The following CPNE4 variants were observed in gnomAD, a reference collection of about 807,000 sequenced individuals.
The protein encoded by CPNE4 is copine-4.
A neutral mutation model predicts 67.9 loss-of-function variants in CPNE4; 25 were observed. The observed-to-expected ratio is 0.37, with a 90% CI of 0.27 to 0.51. The LOEUF is 0.51. CPNE4 is among the 20% of genes least tolerant of loss of function. The pLI is 0.93. For missense variants in CPNE4, 464 were observed against 690.8 expected, an observed-to-expected ratio of 0.67 and a Z score of 3.68; for synonymous variants, 242 against 244.9, an observed-to-expected ratio of 0.99 and a Z score of 0.11.
At chr3:131,811,503 C>T (rs544576676) in intron 2 of CPNE4, among the ~76,000 whole-genome samples, 2 of 152,158 alleles carry the variant, frequency 1.3e-5, no homozygotes, top group African/African-American at 4.8e-5. Context: ...TTGCATCCAG[C>T]AGAAAAGTCA....
chr3:131,911,519 AAC>A (rs150276884), intron 1 of CPNE4, among the ~76,000 whole-genome samples: 4,407 of 150,738 alleles, frequency 0.029, 215 homozygotes, highest in African/African-American at 0.1. Context: ...TAATAATACA[AAC>A]AGATTCAAGA....
At chr3:131,753,894 A>G (rs1182122304) in intron 2 of CPNE4, among the ~76,000 whole-genome samples, 2 of 152,138 alleles carry the variant, frequency 1.3e-5, no homozygotes, top group African/African-American at 2.4e-5. Context: ...TTAAATGTTA[A>G]CTACGTCCTC....
intron 2 of CPNE4, among the ~76,000 whole-genome samples, chr3:131,867,552 G>T (rs183208785): frequency 6.6e-6 from 1 of 152,050 alleles, no homozygotes; most frequent in Admixed American, 6.6e-5. Flanking sequence ...AGGTCAATTC[G>T]TCCAGCCCTC....
At chr3:131,917,684 G>C (rs2070603526) in intron 1 of CPNE4, among the ~76,000 whole-genome samples, 1 of 152,070 alleles carries the variant, frequency 6.6e-6, no homozygotes, top group Non-Finnish European at 1.5e-5. Flanking sequence ...GACAGGAATA[G>C]ATAGAAAAAG....
intron 15 of CPNE4, among the ~76,000 whole-genome samples, chr3:131,540,354 T>G (rs1186649034): frequency 6.6e-6 from 1 of 152,224 alleles, no homozygotes; most frequent in East Asian, 1.9e-4. Flanking sequence ...CCCTATGAAG[T>G]CTGGGCAGGT....
chr3:131,569,161 C>T (rs974009941), intron 10 of CPNE4, among the ~76,000 whole-genome samples: 3 of 151,968 alleles, frequency 2.0e-5, no homozygotes, highest in African/African-American at 7.2e-5. Context: ...GCCTCTTTAA[C>T]CCATTGTACC....
At chr3:131,697,527 A>G (rs1043667619) in intron 4 of CPNE4, among the ~76,000 whole-genome samples, 1 of 152,216 alleles carries the variant, frequency 6.6e-6, no homozygotes, top group African/African-American at 2.4e-5. Flanking sequence ...CACTGGTAAT[A>G]TTCCAAATAT....
intron 7 of CPNE4, among the ~76,000 whole-genome samples, chr3:131,660,819 C>T (rs1209298407): frequency 6.6e-6 from 1 of 152,202 alleles, no homozygotes; most frequent in African/African-American, 2.4e-5. Flanking sequence ...GGCCACATTT[C>T]CTGGTTTCTC....
At chr3:131,788,919 A>G (rs1452978264) in intron 2 of CPNE4, among the ~76,000 whole-genome samples, 4 of 151,942 alleles carry the variant, frequency 2.6e-5, no homozygotes, top group African/African-American at 9.7e-5. Context: ...TAGAATGATG[A>G]CAATTATGGT....
intron 7 of CPNE4, among the ~76,000 whole-genome samples, chr3:131,632,788 C>T (rs1278828120): frequency 6.6e-6 from 1 of 152,144 alleles, no homozygotes; most frequent in East Asian, 1.9e-4. Context: ...TTTTCTCAGT[C>T]TTGGTACTGT....
intron 1 of CPNE4, among the ~76,000 whole-genome samples, chr3:132,021,974 T>C (rs1392400454): frequency 6.6e-6 from 1 of 152,190 alleles, no homozygotes; most frequent in South Asian, 2.1e-4. Context: ...GGATATTACC[T>C]CTTCTCCCCA....
intron 2 of CPNE4, among the ~76,000 whole-genome samples, chr3:131,827,367 T>C (rs1037655350): frequency 6.6e-6 from 1 of 151,160 alleles, no homozygotes; most frequent in Admixed American, 6.6e-5. Flanking sequence ...TGTGGTAAAC[T>C]AGGTAGACAT....
At chr3:131,639,524 G>A (rs1183621032) in intron 7 of CPNE4, among the ~76,000 whole-genome samples, 1 of 151,774 alleles carries the variant, frequency 6.6e-6, no homozygotes, top group East Asian at 1.9e-4. Context: ...ATAAAAAATT[G>A]TCAACAAAGA....
intron 2 of CPNE4, among the ~76,000 whole-genome samples, chr3:131,732,441 G>A (rs1382743648): frequency 6.6e-6 from 1 of 152,130 alleles, no homozygotes; most frequent in Non-Finnish European, 1.5e-5. Context: ...GTTTCATTCA[G>A]GTTTCTTGGC....
chr3:132,035,061 T>A, upstream of CPNE4: 1 of 985,302 alleles, frequency 1.0e-6, no homozygotes, highest in Non-Finnish European at 1.2e-6. Context: ...TTCCGAAACC[T>A]CCGCGCGAGC....
rs2074065351 is a variant in CPNE4, at chr3:132,024,120, G to C, written c.-2+10447C>G. 2.2e-5 allele frequency among the ~76,000 whole-genome samples: 3 copies of C among 137,420 alleles called. No individual in the cohort carries two copies. The Admixed American group carries it at 2.3e-4, about 10-fold the overall frequency. The allele number at this position is 137,420 out of a possible 152,430, so 90.2% of individuals were successfully genotyped here. The stretch of plus-strand genomic sequence containing the variant: ...TTTTTTTGAGACACAGTCTTGCTCT[G>C]TTGCCCAGGCTAGAGTGCTGCAGCG... On this transcript the variant is annotated intron_variant, in intron 1 of 15. Transcript: ENST00000429747.
chr3:131,887,629 G>C (rs551574718), intron 2 of CPNE4, among the ~76,000 whole-genome samples: 23 of 152,122 alleles, frequency 1.5e-4, no homozygotes, highest in Non-Finnish European at 2.4e-4. Context: ...TTTTCTTCTT[G>C]TTGTACTTTT....
chr3:131,538,125 C>T (rs1185166539), intron 15 of CPNE4, among the ~76,000 whole-genome samples: 3 of 152,210 alleles, frequency 2.0e-5, no homozygotes, highest in Admixed American at 1.3e-4. Context: ...GATGGATTTA[C>T]TGTTGCTTGC....
intron 10 of CPNE4, among the ~76,000 whole-genome samples, chr3:131,569,866 A>T (rs1486584947): frequency 6.6e-6 from 1 of 151,936 alleles, no homozygotes; most frequent in African/African-American, 2.4e-5. Context: ...TTCAATTTTT[A>T]AAAATGACAC....
Sources: gnomAD v4.1 joint callset for allele counts (sites outside exome capture counted in the v4.1 genomes callset) on GRCh38, gnomAD v4.1.1 for gene constraint, MANE v1.5 for transcripts, NCBI Gene and HGNC (gene_info 2026-07-23, HGNC 2026-07-21) for gene names.